Variants in TLN2 observed in about 807,000 individuals in gnomAD.
TLN2 encodes talin-2.
A neutral mutation model predicts 294.7 loss-of-function variants in TLN2; 118 were observed. That is an observed-to-expected ratio of 0.40 (90% CI 0.34 to 0.47). The LOEUF is 0.47. Ranked by LOEUF, TLN2 falls within the 20% of genes least tolerant of loss-of-function variation. TLN2 has a pLI of 0.84. For missense variants in TLN2, 3,083 were observed against 3,282.2 expected (o/e 0.94, Z 1.48); for synonymous variants, 1,431 against 1,304.5 (o/e 1.10, Z -2.09).
At chr15:62,459,743 C>T (rs945630760) in intron 1 of TLN2, among the ~76,000 whole-genome samples, 1 of 152,146 alleles carries the variant, frequency 6.6e-6, no homozygotes, top group African/African-American at 2.4e-5. Flanking sequence ...TTTCTTTCCT[C>T]CTGCTGAATG....
At chr15:62,722,813 G>A (rs1567457919) in intron 26 of TLN2, among the ~76,000 whole-genome samples, 1 of 152,176 alleles carries the variant, frequency 6.6e-6, no homozygotes, top group Admixed American at 6.5e-5. Context: ...AGTCATCAGT[G>A]TCTCAGTGCC....
chr15:62,509,069 A>G (rs925799067), intron 1 of TLN2, among the ~76,000 whole-genome samples: 4 of 152,220 alleles, frequency 2.6e-5, no homozygotes, highest in African/African-American at 7.2e-5. Flanking sequence ...AAACTATAGA[A>G]AGCTTAAGTA....
At chr15:62,576,635 G>T (rs1177368734) in intron 1 of TLN2, among the ~76,000 whole-genome samples, 1 of 148,130 alleles carries the variant, frequency 6.8e-6, no homozygotes. Context: ...AGAGACTGGA[G>T]GGGAAAAAAA....
chr15:62,737,633 C>T (rs1567494907), intron 29 of TLN2, among the ~76,000 whole-genome samples: 1 of 152,114 alleles, frequency 6.6e-6, no homozygotes, highest in Admixed American at 6.5e-5. Flanking sequence ...TTGAGGATAC[C>T]AAAGAATGCA....
intron 16 of TLN2, 68 bp from the exon 17 acceptor site, chr15:62,701,038 C>A: frequency 7.7e-7 from 1 of 1,299,900 alleles, no homozygotes; most frequent in Non-Finnish European, 1.1e-6. Flanking sequence ...GATTTTATGG[C>A]GGGGCTTCTC....
intron 1 of TLN2, among the ~76,000 whole-genome samples, chr15:62,407,904 G>A (rs2033514324): frequency 6.6e-6 from 1 of 151,694 alleles, no homozygotes; most frequent in East Asian, 1.9e-4. Context: ...AACAGAGTGA[G>A]AGAGTGAGAC....
intron 9 of TLN2, among the ~76,000 whole-genome samples, chr15:62,669,580 G>A (rs997954707): frequency 1.3e-5 from 2 of 152,210 alleles, no homozygotes; most frequent in African/African-American, 4.8e-5. Flanking sequence ...TAAGGAGACA[G>A]TGGGAGGGAT....
chr15:62,407,072 A>G (rs1254746857), intron 1 of TLN2, among the ~76,000 whole-genome samples: 1 of 152,132 alleles, frequency 6.6e-6, no homozygotes, highest in Non-Finnish European at 1.5e-5. Context: ...TTTAGAGGCC[A>G]AGGGACCCTA....
intron 3 of TLN2, among the ~76,000 whole-genome samples, chr15:62,634,152 A>G (rs1045283141): frequency 5.3e-5 from 8 of 152,214 alleles, no homozygotes; most frequent in Admixed American, 4.6e-4. Flanking sequence ...AAGAAACACA[A>G]TTCAGCCCAT....
chr15:62,547,365 G>T (rs978473216), intron 1 of TLN2, among the ~76,000 whole-genome samples: 1 of 152,140 alleles, frequency 6.6e-6, no homozygotes, highest in Non-Finnish European at 1.5e-5. Flanking sequence ...CATCTTTGTG[G>T]CTCGTATGTG....
intron 1 of TLN2, among the ~76,000 whole-genome samples, chr15:62,467,005 C>T (rs1317306581): frequency 6.6e-6 from 1 of 152,226 alleles, no homozygotes; most frequent in Non-Finnish European, 1.5e-5. Context: ...GTTTTGTGAG[C>T]CTTGCCTCAA....
At chr15:62,466,714 G>T (rs2037154973) in intron 1 of TLN2, among the ~76,000 whole-genome samples, 1 of 152,234 alleles carries the variant, frequency 6.6e-6, no homozygotes, top group South Asian at 2.1e-4. Flanking sequence ...CTGGCTGAAA[G>T]CCTGTTGATA....
rs750306649 is a variant in TLN2 at position 62,740,763 on chromosome 15, C to T, written c.4019C>T (p.Ala1340Val). The T allele has an allele frequency of 6.2e-7, 1 of 1,614,194 alleles. No individual in the cohort carries two copies. Among genetic ancestry groups the T allele is most frequent in the Non-Finnish European group, 8.5e-7 (1 of 1,180,032 alleles). The change falls in exon 32 of 59, where the codon GCT becomes GTT. Residue 1340 changes from alanine (A) to valine (V), a missense_variant. By Grantham distance (64) the Ala-to-Val change is moderately conservative (BLOSUM62 0). Coordinates refer to ENST00000636159, the MANE Select transcript of TLN2 (RefSeq NM_015059.3). ...APNAKNLLAA[A>V]ARAVTESINQ... ...AATGCGAAAAATCTCCTGGCTGCAG[C>T]TGCAAGGTAGGAGTGGGACACAATG...
Position 62,671,582 on chromosome 15 carries a change from T to C in TLN2, c.789-2245T>C, listed in dbSNP as rs568816956. 7.9e-5 allele frequency among the ~76,000 whole-genome samples: 12 copies of C among 152,344 alleles called. No individual in the cohort carries two copies. The South Asian group carries it at 2.5e-3, about 32-fold the overall frequency. On this transcript the variant is annotated intron_variant, in intron 9 of 58. Coordinates refer to ENST00000636159, the MANE Select transcript of TLN2 (RefSeq NM_015059.3). The stretch of plus-strand genomic sequence containing the variant: ...TCTTGGAACCCTTGTTGAAAATCAG[T>C]TGACTGTAAAGGTGAGGGTTAATTT...
intron 12 of TLN2, 87 bp downstream of exon 12, chr15:62,686,883 T>G (rs2057333134): frequency 1.3e-6 from 2 of 1,519,528 alleles, no homozygotes; most frequent in African/African-American, 2.7e-5. Context: ...TCTTGCCCAT[T>G]GGGTTTCTCT....
At chr15:62,393,976 A>G (rs951447994) in intron 1 of TLN2, among the ~76,000 whole-genome samples, 6 of 151,860 alleles carry the variant, frequency 4.0e-5, no homozygotes, top group African/African-American at 1.2e-4. Flanking sequence ...GGGTTTCACC[A>G]TGTTGGCCAG....
chr15:62,517,652 T>A (rs1488050270), intron 1 of TLN2, among the ~76,000 whole-genome samples: 3 of 152,360 alleles, frequency 2.0e-5, no homozygotes, highest in East Asian at 3.9e-4. Flanking sequence ...TCTAATTTGT[T>A]TTTTAAAAGT....
chr15:62,826,846 C>CA (rs2068254434), intron 54 of TLN2, among the ~76,000 whole-genome samples: 1 of 152,134 alleles, frequency 6.6e-6, no homozygotes, highest in African/African-American at 2.4e-5. Flanking sequence ...AAATTAAATG[C>CA]AAAATGTTCA....
chr15:62,781,825 GT>G (rs890875856), intron 44 of TLN2, among the ~76,000 whole-genome samples: 1 of 152,106 alleles, frequency 6.6e-6, no homozygotes, highest in Non-Finnish European at 1.5e-5. Flanking sequence ...GGTTTTTGTT[GT>G]TTTGTTTGTT....
Sources: allele counts gnomAD v4.1 joint callset (sites outside exome capture counted in the v4.1 genomes callset), GRCh38; gene constraint gnomAD v4.1.1; transcripts MANE v1.5; gene names NCBI Gene and HGNC (gene_info 2026-07-23, HGNC 2026-07-21).